The following POLA1 variants were observed in gnomAD, a reference collection of about 807,000 sequenced individuals.
POLA1 encodes DNA polymerase alpha catalytic subunit.
In POLA1, 15 loss-of-function variants were observed where a neutral mutation model predicts 124.0. The observed-to-expected ratio is 0.12, with a 90% CI of 0.08 to 0.19. POLA1 has a LOEUF of 0.19. Ranked by LOEUF, POLA1 falls within the 10% of genes least tolerant of loss-of-function variation. POLA1 has a pLI of 1.00. For synonymous variants in POLA1, 408 were observed against 389.4 expected (o/e 1.05, Z -0.56); for missense variants, 886 against 1,103.4 (o/e 0.80, Z 2.79).
intron 34 of POLA1, among the ~76,000 whole-genome samples, chrX:24,869,082 T>C (rs11573447): frequency 0.052 from 5,805 of 111,581 alleles, 269 homozygotes; most frequent in African/African-American, 0.15. Flanking sequence ...TACAGGCGTG[T>C]GCCACCATGC....
intron 32 of POLA1, among the ~76,000 whole-genome samples, chrX:24,833,819 C>T (rs1453287247): frequency 8.9e-6 from 1 of 112,394 alleles, no homozygotes; most frequent in Non-Finnish European, 1.9e-5. Context: ...AGGTACCGTG[C>T]GTGGCTCACG....
chrX:24,717,329 A>T lies in POLA1; in HGVS notation c.746A>T (p.Glu249Val). 1 of 1,210,006 alleles carries T rather than the reference A, an allele frequency of 8.3e-7. No homozygotes were observed. The change falls in exon 9 of 37, where the codon GAG becomes GTG. Residue 249 changes from glutamate to valine, a missense_variant. Physicochemically the swap from Glu to Val is moderately radical, Grantham distance 121. Transcript: ENST00000379068. ...VQVESTEEEQ[E>V]SGAMEFEDGD... Reference sequence around the variant, plus strand: ...GTCGAGAGTACAGAAGAAGAGCAGGAGTCAGGGGCAATGGAGTTTGAAGAT... The same window carrying T: ...GTCGAGAGTACAGAAGAAGAGCAGGTGTCAGGGGCAATGGAGTTTGAAGAT...
rs749525852 is a variant in POLA1, at chrX:24,823,317, A to C, written c.3561+1734A>C. 1.4e-4 allele frequency among the ~76,000 whole-genome samples: 16 copies of C among 111,811 alleles called. No individual in the cohort carries two copies. In the East Asian group the frequency reaches 4.5e-3, roughly 31 times the overall value. ...CCTGTTTGCTAGCCAAATCTGCCTAAATTTTTTGCTTTTAAGCACTCAAAT... is the reference window on the plus strand; with the variant it reads ...CCTGTTTGCTAGCCAAATCTGCCTACATTTTTTGCTTTTAAGCACTCAAAT... On this transcript the variant is annotated intron_variant, in intron 31 of 36. Coordinates refer to ENST00000379068, the MANE Select transcript of POLA1 (RefSeq NM_001330360.2).
At chrX:24,962,277 A>T (rs990211735) in intron 36 of POLA1, among the ~76,000 whole-genome samples, 2 of 111,509 alleles carry the variant, frequency 1.8e-5, no homozygotes, top group Non-Finnish European at 3.8e-5. Flanking sequence ...TGTAAAAAAA[A>T]GTAGTTTGAC....
intron 26 of POLA1, among the ~76,000 whole-genome samples, chrX:24,784,059 CTTTTTTT>C (rs11295214): frequency 6.7e-5 from 4 of 59,501 alleles, no homozygotes; most frequent in Non-Finnish European, 8.9e-5. Flanking sequence ...ATTTATATTT[CTTTTTTT>C]TTTTTTTTTT....
intron 4 of POLA1, among the ~76,000 whole-genome samples, chrX:24,713,766 T>C (rs1258368766): frequency 1.8e-5 from 2 of 112,671 alleles, no homozygotes; most frequent in Non-Finnish European, 3.7e-5. Context: ...TTAGTGTTGA[T>C]ATGACATACT....
chrX:24,937,228 GGTT>G (rs1385881709), intron 36 of POLA1, among the ~76,000 whole-genome samples: 1 of 110,881 alleles, frequency 9.0e-6, no homozygotes, highest in Non-Finnish European at 1.9e-5. Flanking sequence ...AGCCTCTGGG[GGTT>G]GTTATTGTTA....
At chrX:24,830,944 A>C (rs112265214) in intron 32 of POLA1, among the ~76,000 whole-genome samples, 4,508 of 111,932 alleles carry the variant, frequency 0.04, 221 homozygotes, top group African/African-American at 0.14. Flanking sequence ...GCATTTGGCT[A>C]TCTGGGCAGT....
At chrX:24,892,481 C>T (rs2047153781) in intron 35 of POLA1, among the ~76,000 whole-genome samples, 1 of 111,441 alleles carries the variant, frequency 9.0e-6, no homozygotes, top group Non-Finnish European at 1.9e-5. Context: ...CCAAGTTAGG[C>T]AATAAATATT....
Position 24,980,396 on chromosome X carries a change from C to A in POLA1, c.4262-15409C>A, listed in dbSNP as rs377544035. ...AGCTCTGTCAGGCACAGAATTACACCCAGGGAAGAAAAATTAATTCCAATA... is the reference window on the plus strand; with the variant it reads ...AGCTCTGTCAGGCACAGAATTACACACAGGGAAGAAAAATTAATTCCAATA... On this transcript the variant is annotated intron_variant, in intron 36 of 36. Transcript: ENST00000379068. Among the ~76,000 whole-genome samples the A allele has an allele frequency of 8.0e-5, 9 of 111,890 alleles. No homozygotes were observed. The East Asian group carries it at 1.4e-3, about 17-fold the overall frequency.
chrX:24,824,825 A>C (rs1032420165), intron 31 of POLA1, among the ~76,000 whole-genome samples: 5 of 111,683 alleles, frequency 4.5e-5, no homozygotes, highest in African/African-American at 1.6e-4. Context: ...GAAAGTTTTC[A>C]ACTGCTTTTT....
Position 24,817,328 on chromosome X carries a change from G to A in POLA1, c.3429+2217G>A, listed in dbSNP as rs2046004640. The stretch of plus-strand genomic sequence containing the variant: ...TGGTCTATTAAAAGTATTTACTGTC[G>A]GCCGGGCGCGGTGGCTTGTGCCTGT... On this transcript the variant is annotated intron_variant, in intron 30 of 36. Transcript: ENST00000379068. Among the ~76,000 whole-genome samples the A allele has an allele frequency of 3.6e-5, 4 of 111,242 alleles. 1 individual carries two copies. Among genetic ancestry groups the A allele is most frequent in the Middle Eastern group, 8.4e-3 (2 of 239 alleles).
intron 26 of POLA1, among the ~76,000 whole-genome samples, chrX:24,765,151 T>A (rs1932870893): frequency 9.0e-6 from 1 of 110,984 alleles, no homozygotes; most frequent in Non-Finnish European, 1.9e-5. Flanking sequence ...ACACATGAAT[T>A]CTGTCCCTCC....
At chrX:24,757,436 C>CTTTTTTTTTTTT (rs66782103) in intron 26 of POLA1, among the ~76,000 whole-genome samples, 734 of 62,110 alleles carry the variant, frequency 0.012, 119 homozygotes, top group African/African-American at 0.057. Context: ...AAATCTGAAA[C>CTTTTTTTTTTTT]TTTTTTTTTT....
At chrX:24,975,160 C>T (rs1286773300) in intron 36 of POLA1, among the ~76,000 whole-genome samples, 1 of 111,720 alleles carries the variant, frequency 9.0e-6, no homozygotes, top group African/African-American at 3.3e-5. Context: ...TACAGGTGTG[C>T]GCCACCACGC....
chrX:24,727,256 C>T lies in POLA1; in HGVS notation c.1531+185C>T, dbSNP rs56133440. ...ATCACCTTATCTCGGTAATGCCTGG[C>T]GGTTTAGTCTGAGGGAGGCCTTAGT... On this transcript the variant is annotated intron_variant, in intron 14 of 36. Transcript: ENST00000379068. Among the ~76,000 whole-genome samples, 27 of 110,914 alleles carry T rather than the reference C, an allele frequency of 2.4e-4. 1 individual carries two copies. In the East Asian group the frequency reaches 6.3e-3, roughly 26 times the overall value.
chrX:24,818,509 G>A (rs776451703), intron 30 of POLA1, among the ~76,000 whole-genome samples: 2 of 111,043 alleles, frequency 1.8e-5, no homozygotes, highest in Non-Finnish European at 3.8e-5. Flanking sequence ...CATAACTTGG[G>A]CATGTGCAGC....
intron 26 of POLA1, among the ~76,000 whole-genome samples, chrX:24,760,639 G>A (rs1381281828): frequency 8.9e-6 from 1 of 112,143 alleles, no homozygotes; most frequent in Non-Finnish European, 1.9e-5. Context: ...CCAGCTGACT[G>A]AGGGAAGACT....
At chrX:24,901,675 G>A (rs951741016) in intron 35 of POLA1, among the ~76,000 whole-genome samples, 9 of 111,398 alleles carry the variant, frequency 8.1e-5, no homozygotes, top group African/African-American at 2.9e-4. Flanking sequence ...AAGGGAATCT[G>A]TGAGAAGTGG....
Sources: allele counts gnomAD v4.1 joint callset (sites outside exome capture counted in the v4.1 genomes callset), GRCh38; gene constraint gnomAD v4.1.1; transcripts MANE v1.5; gene names NCBI Gene and HGNC (gene_info 2026-07-23, HGNC 2026-07-21).